Variants in TFRC observed in about 807,000 individuals in gnomAD.
The protein encoded by TFRC is transferrin receptor protein 1.
In TFRC, 35 loss-of-function variants were observed where a neutral mutation model predicts 85.8. That is an observed-to-expected ratio of 0.41 (90% confidence interval 0.31 to 0.54). The LOEUF (loss-of-function observed/expected upper bound fraction) is 0.54, where lower values mean the gene tolerates loss of function less well. Ranked by LOEUF, TFRC falls within the 20% of genes least tolerant of loss-of-function variation. TFRC has a pLI of 0.31. For missense variants in TFRC, 828 were observed against 921.5 expected (o/e 0.90, Z 1.31); for synonymous variants, 362 against 328.6 (o/e 1.10, Z -1.10).
chr3:196,073,216 C>T (rs1718375805), intron 4 of TFRC, among the ~76,000 whole-genome samples: 1 of 150,428 alleles, frequency 6.6e-6, no homozygotes, highest in South Asian at 2.1e-4. Context: ...AAGACTCCAT[C>T]TCAAAATAAA....
At chr3:196,059,134 T>C (rs1717065831) in intron 14 of TFRC, among the ~76,000 whole-genome samples, 1 of 152,050 alleles carries the variant, frequency 6.6e-6, no homozygotes, top group African/African-American at 2.4e-5. Context: ...GCCAACATGG[T>C]GAAACCCCGT....
intron 12 of TFRC, 52 bp downstream of exon 12, chr3:196,062,802 A>G: frequency 1.9e-6 from 3 of 1,598,222 alleles, no homozygotes; most frequent in Non-Finnish European, 2.6e-6. Flanking sequence ...TCTGGACAAC[A>G]GCCTAAGCCC....
chr3:196,065,440 TACCTGG>T lies in TFRC; in HGVS notation c.1195_1198+2del. 1.3e-6 allele frequency: 1 copy of T among 750,430 alleles called. No homozygotes were observed. The highest frequency in any genetic ancestry group is 1.6e-5 in the South Asian group (1 of 63,230). The allele number at this position is 750,430 out of a possible 1,614,324, so 46.5% of individuals were successfully genotyped here. Reference sequence around the variant, plus strand: ...GGCGGGGGGGGGGGGGGGCGGTCTTTACCTGGTTCTACAAAGCCTTTAATAACTCCA... The same window carrying T: ...GGCGGGGGGGGGGGGGGGCGGTCTTTTTCTACAAAGCCTTTAATAACTCCA... On this transcript the variant is annotated splice_donor_variant and coding_sequence_variant, in exon 10 of 19. Transcript: ENST00000360110. LOFTEE classifies it high-confidence loss of function.
At chr3:196,081,468 G>T (rs953653496) in intron 1 of TFRC, among the ~76,000 whole-genome samples, 1 of 152,208 alleles carries the variant, frequency 6.6e-6, no homozygotes, top group Non-Finnish European at 1.5e-5. Flanking sequence ...GGGCCCGCCC[G>T]GAGCCCGGGG....
chr3:196,054,603 C>T (rs1244517631), intron 17 of TFRC, among the ~76,000 whole-genome samples: 1 of 152,184 alleles, frequency 6.6e-6, no homozygotes, highest in Admixed American at 6.5e-5. Flanking sequence ...CTCCAGCAAT[C>T]CTCCTGCCTC....
intron 2 of TFRC, among the ~76,000 whole-genome samples, chr3:196,076,367 T>TC (rs1718697425): frequency 5.3e-5 from 8 of 151,872 alleles, no homozygotes; most frequent in Admixed American, 4.6e-4. Flanking sequence ...AGTCTCAAAC[T>TC]CCTCAAGTGA....
At chr3:196,072,950 C>G (rs560642110) in intron 4 of TFRC, 2 of 148,650 alleles carry the variant, frequency 1.3e-5, no homozygotes, top group African/African-American at 5.0e-5. Flanking sequence ...CCTGTAATTC[C>G]AGCACTTTGG....
chr3:196,081,630 C>T (rs1290453040), intron 1 of TFRC, among the ~76,000 whole-genome samples: 1 of 152,214 alleles, frequency 6.6e-6, no homozygotes, highest in Non-Finnish European at 1.5e-5. Flanking sequence ...CCGGAGCCGG[C>T]GCACTAGGGC....
rs752550600 is a variant in TFRC, at chr3:196,065,424, G to GGC, written c.1198+18_1198+19insGC. On this transcript the variant is annotated intron_variant, in intron 10 of 18. Transcript: ENST00000360110. Reference sequence around the variant, plus strand: ...AACAAAAAAAAAGCGGGGCGGGGGGGGGGGGGGGCGGTCTTTACCTGGTTC... The same window carrying GGC: ...AACAAAAAAAAAGCGGGGCGGGGGGGGCGGGGGGGGCGGTCTTTACCTGGTTC... 4.2e-6 allele frequency: 3 copies of GGC among 710,656 alleles called. No individual in the cohort carries two copies. Among genetic ancestry groups the GGC allele is most frequent in the Non-Finnish European group, 5.7e-6 (3 of 527,256 alleles). The allele number at this position is 710,656 out of a possible 1,614,324, so 44.0% of individuals were successfully genotyped here. A position where few individuals can be genotyped will look rare whatever the true frequency, so the allele number is the denominator to read the frequency against.
At chr3:196,080,010 G>T (rs1278194687) in intron 1 of TFRC, among the ~76,000 whole-genome samples, 1 of 152,198 alleles carries the variant, frequency 6.6e-6, no homozygotes, top group African/African-American at 2.4e-5. Context: ...GGGCATGCCT[G>T]ATGCATGAGA....
At chr3:196,065,421 G>GGGGT (rs1276149694) in intron 10 of TFRC, 22 bp downstream of exon 10, 2 of 219,752 alleles carry the variant, frequency 9.1e-6, no homozygotes, top group South Asian at 1.1e-4. Context: ...GCGGGGCGGG[G>GGGGT]GGGGGGGGGG....
intron 3 of TFRC, chr3:196,074,346 T>C (rs1718476557): frequency 2.6e-6 from 1 of 377,950 alleles, no homozygotes; most frequent in Admixed American, 4.5e-5. Flanking sequence ...ACATAGGTAG[T>C]TTTTTCCAAA....
rs1716972973 is a variant in TFRC at position 196,058,200 on chromosome 3, C to T, written c.1677+84G>A. ...ATAGTTGACTATAGCACAGGCATTC[C>T]CATTGCAATGCCCTATTCCCAAATA... On this transcript the variant is annotated intron_variant, in intron 16 of 18. Coordinates refer to ENST00000360110, the MANE Select transcript of TFRC (RefSeq NM_001128148.3). 1.9e-5 allele frequency: 21 copies of T among 1,098,786 alleles called. No individual in the cohort carries two copies. In the South Asian group the frequency reaches 2.7e-4, roughly 14 times the overall value. 68.1% of individuals were successfully genotyped at this position (1,098,786 alleles called of 1,614,324 possible). A position where few individuals can be genotyped will look rare whatever the true frequency, so the allele number is the denominator to read the frequency against.
At chr3:196,070,424 C>A (rs1718094241) in intron 6 of TFRC, among the ~76,000 whole-genome samples, 1 of 152,130 alleles carries the variant, frequency 6.6e-6, no homozygotes, top group Non-Finnish European at 1.5e-5. Context: ...ACCACCACGC[C>A]TGGCTAATTT....
At chr3:196,070,551 C>A (rs1718105489) in intron 6 of TFRC, among the ~76,000 whole-genome samples, 1 of 152,034 alleles carries the variant, frequency 6.6e-6, no homozygotes, top group South Asian at 2.1e-4. Flanking sequence ...CCACGCCCAG[C>A]CACAAATGTG....
At chr3:196,079,010 G>A (rs1163070893) in intron 1 of TFRC, among the ~76,000 whole-genome samples, 1 of 152,086 alleles carries the variant, frequency 6.6e-6, no homozygotes, top group Non-Finnish European at 1.5e-5. Flanking sequence ...CTGACCTAGG[G>A]TGATCCACCC....
At chr3:196,062,443 G>A in intron 13 of TFRC, 139 bp downstream of exon 13, 1 of 729,494 alleles carries the variant, frequency 1.4e-6, no homozygotes, top group Non-Finnish European at 2.4e-6. Context: ...TAAGGCAGGA[G>A]AATCGCTTGA....
intron 17 of TFRC, among the ~76,000 whole-genome samples, chr3:196,053,853 T>C (rs192452603): frequency 1.2e-3 from 176 of 152,322 alleles, no homozygotes; most frequent in South Asian, 7.7e-3. Context: ...AATGTCCCTA[T>C]AGGGGAAAAC....
intron 11 of TFRC, 109 bp from the exon 12 acceptor site, chr3:196,063,048 T>C: frequency 1.4e-6 from 1 of 728,148 alleles, no homozygotes; most frequent in Non-Finnish European, 2.1e-6. Context: ...GATAGCAGAT[T>C]CCAAAATCTT....
Sources: gnomAD v4.1 joint callset for allele counts (sites outside exome capture counted in the v4.1 genomes callset) on GRCh38, gnomAD v4.1.1 for gene constraint, MANE v1.5 for transcripts, NCBI Gene and HGNC (gene_info 2026-07-23, HGNC 2026-07-21) for gene names.